Variants in RSRC1 observed in about 807,000 individuals in gnomAD.
RSRC1 encodes the protein serine/Arginine-related protein 53.
A neutral mutation model predicts 49.1 loss-of-function variants in RSRC1; 39 were observed. That is an observed-to-expected ratio of 0.79 (90% CI 0.61 to 1.04). The LOEUF (loss-of-function observed/expected upper bound fraction) is 1.04. Ranked by LOEUF, RSRC1 falls within the 50% of genes least tolerant of loss-of-function variation. RSRC1 has a pLI of 0.00. For missense variants in RSRC1, 388 were observed against 402.4 expected, an observed-to-expected ratio of 0.96 and a Z score of 0.31; for synonymous variants, 143 against 130.8, an observed-to-expected ratio of 1.09 and a Z score of -0.63.
chr3:158,489,377 G>T (rs896168110), intron 7 of RSRC1, among the ~76,000 whole-genome samples: 2 of 152,090 alleles, frequency 1.3e-5, no homozygotes, highest in Non-Finnish European at 2.9e-5. Flanking sequence ...GCTTCATTAG[G>T]CTGGCTCAAC....
At chr3:158,199,832 A>T (rs1559939998) in intron 3 of RSRC1, among the ~76,000 whole-genome samples, 1 of 152,044 alleles carries the variant, frequency 6.6e-6, no homozygotes, top group African/African-American at 2.4e-5. Context: ...TGTATGTCTT[A>T]TTGTTAAATT....
rs143747627 is a variant in RSRC1, at chr3:158,235,955, A to G, written c.494+32710A>G. 1.1e-3 allele frequency among the ~76,000 whole-genome samples: 165 copies of G among 152,178 alleles called. 2 individuals carry two copies. Among genetic ancestry groups the G allele is most frequent in the African/African-American group, 3.9e-3 (160 of 41,530 alleles). Reference sequence around the variant, plus strand: ...ACATGGTGAAACCCTGCATCTACTAAAAATATAAAAATTAGCCGGGTATGG... The same window carrying G: ...ACATGGTGAAACCCTGCATCTACTAGAAATATAAAAATTAGCCGGGTATGG... On this transcript the variant is annotated intron_variant, in intron 4 of 9. Coordinates refer to ENST00000611884, the MANE Select transcript of RSRC1 (RefSeq NM_001271838.2).
chr3:158,430,878 A>G (rs1560039897), intron 6 of RSRC1, among the ~76,000 whole-genome samples: 1 of 151,940 alleles, frequency 6.6e-6, no homozygotes. Context: ...GTTAACCTGA[A>G]AAGGTTAGGA....
chr3:158,520,229 G>T (rs1711580772), intron 7 of RSRC1, among the ~76,000 whole-genome samples: 1 of 152,104 alleles, frequency 6.6e-6, no homozygotes, highest in Non-Finnish European at 1.5e-5. Flanking sequence ...ATTTCAGAGT[G>T]GTTGATAACC....
intron 4 of RSRC1, among the ~76,000 whole-genome samples, chr3:158,215,608 T>A (rs955594065): frequency 1.3e-5 from 2 of 151,836 alleles, no homozygotes; most frequent in Non-Finnish European, 2.9e-5. Flanking sequence ...CATTTTTTAT[T>A]ACCTCATTTT....
intron 6 of RSRC1, among the ~76,000 whole-genome samples, chr3:158,456,336 T>C (rs960587659): frequency 1.3e-5 from 2 of 150,892 alleles, no homozygotes; most frequent in African/African-American, 4.9e-5. Context: ...ATAGGCCAGC[T>C]GTGGAAACAG....
intron 6 of RSRC1, among the ~76,000 whole-genome samples, chr3:158,412,100 C>T (rs1328634773): frequency 1.3e-5 from 2 of 152,018 alleles, no homozygotes; most frequent in African/African-American, 4.8e-5. Context: ...AGAAAAAATA[C>T]TTAATTTCCA....
At chr3:158,218,212 T>A (rs1459570432) in intron 4 of RSRC1, among the ~76,000 whole-genome samples, 2 of 151,534 alleles carry the variant, frequency 1.3e-5, no homozygotes, top group African/African-American at 4.8e-5. Context: ...GGTGACATGA[T>A]CAGATTAGTG....
At chr3:158,152,359 T>C (rs1717594697) in intron 3 of RSRC1, among the ~76,000 whole-genome samples, 1 of 152,144 alleles carries the variant, frequency 6.6e-6, no homozygotes, top group Admixed American at 6.5e-5. Context: ...AAGAAACTCT[T>C]CAGTCCTGGG....
intron 3 of RSRC1, among the ~76,000 whole-genome samples, chr3:158,171,393 T>C (rs1267574045): frequency 3.3e-5 from 5 of 152,010 alleles, no homozygotes; most frequent in Admixed American, 6.5e-5. Flanking sequence ...GAAAAGACAA[T>C]CAACAGATGG....
chr3:158,492,193 C>T (rs1208233446), intron 7 of RSRC1, among the ~76,000 whole-genome samples: 1 of 152,110 alleles, frequency 6.6e-6, no homozygotes, highest in Admixed American at 6.6e-5. Context: ...ATTACAAGAA[C>T]AGCATGGGGG....
rs536346090 is a variant in RSRC1 at position 158,358,047 on chromosome 3, T to G, written c.583+3139T>G. The stretch of plus-strand genomic sequence containing the variant: ...TTATTGGTTTGGAATTAAAATCTGT[T>G]TCGAATATTTAGCCACGATTTTTAG... On this transcript the variant is annotated intron_variant, in intron 6 of 9. Coordinates refer to ENST00000611884, the MANE Select transcript of RSRC1 (RefSeq NM_001271838.2). 5.9e-5 allele frequency among the ~76,000 whole-genome samples: 9 copies of G among 152,304 alleles called. 1 individual carries two copies. Among genetic ancestry groups the G allele is most frequent in the African/African-American group, 1.9e-4 (8 of 41,574 alleles).
chr3:158,535,377 A>G (rs1055727543), intron 7 of RSRC1, among the ~76,000 whole-genome samples: 1 of 151,498 alleles, frequency 6.6e-6, no homozygotes, highest in African/African-American at 2.4e-5. Context: ...ATGTACAAAT[A>G]TAAAATAAAA....
intron 5 of RSRC1, among the ~76,000 whole-genome samples, chr3:158,311,414 T>A (rs1031807919): frequency 6.6e-6 from 1 of 151,996 alleles, no homozygotes; most frequent in Non-Finnish European, 1.5e-5. Context: ...ATCTAATTTT[T>A]AAATCCAGCC....
chr3:158,273,199 T>C (rs1380989149), intron 4 of RSRC1, among the ~76,000 whole-genome samples: 1 of 152,064 alleles, frequency 6.6e-6, no homozygotes, highest in African/African-American at 2.4e-5. Flanking sequence ...GGAACTTCGT[T>C]TTATTAGTTC....
At chr3:158,437,356 G>A (rs1736106348) in intron 6 of RSRC1, among the ~76,000 whole-genome samples, 1 of 151,920 alleles carries the variant, frequency 6.6e-6, no homozygotes, top group South Asian at 2.1e-4. Flanking sequence ...ATTGGCACTG[G>A]GCTGAGTTTT....
intron 3 of RSRC1, among the ~76,000 whole-genome samples, chr3:158,198,638 T>A (rs1182854281): frequency 6.6e-6 from 1 of 152,144 alleles, no homozygotes; most frequent in Non-Finnish European, 1.5e-5. Context: ...CGGTTGTTCC[T>A]TTCCATGTTT....
chr3:158,371,696 T>C (rs1374672402), intron 6 of RSRC1, among the ~76,000 whole-genome samples: 2 of 151,928 alleles, frequency 1.3e-5, no homozygotes, highest in Non-Finnish European at 2.9e-5. Context: ...TGTGTGAACA[T>C]GGGGTTTTGT....
At chr3:158,302,212 G>A (rs894128598) in intron 5 of RSRC1, among the ~76,000 whole-genome samples, 4 of 152,010 alleles carry the variant, frequency 2.6e-5, no homozygotes, top group African/African-American at 9.7e-5. Flanking sequence ...CTGGGTCAGA[G>A]GCAAAGTGGT....
Sources: gnomAD v4.1 joint callset for allele counts (sites outside exome capture counted in the v4.1 genomes callset) on GRCh38, gnomAD v4.1.1 for gene constraint, MANE v1.5 for transcripts, NCBI Gene and HGNC (gene_info 2026-07-23, HGNC 2026-07-21) for gene names.